SCN11A: variants seen among roughly 807,000 people sequenced by gnomAD.
SCN11A encodes the protein sodium voltage-gated channel alpha subunit 11.
SCN11A carries 122 observed loss-of-function variants against 162.2 expected under a neutral mutation model. That is an observed-to-expected ratio of 0.75 (90% confidence interval 0.65 to 0.87). The LOEUF is 0.87. Among genes scored for constraint, SCN11A ranks in the 40% least tolerant of loss-of-function variants. The pLI, the probability that SCN11A is intolerant of heterozygous loss-of-function variation, is 0.00. For synonymous variants in SCN11A, 758 were observed against 751.5 expected, an observed-to-expected ratio of 1.01 and a Z score of -0.14; for missense variants, 2,015 against 2,181.6, an observed-to-expected ratio of 0.92 and a Z score of 1.52.
chr3:38,846,594 G>A lies in SCN11A; in HGVS notation c.*100C>T. 1 of 840,076 alleles carries A rather than the reference G, an allele frequency of 1.2e-6. No homozygotes were observed. The highest frequency in any genetic ancestry group is 1.9e-6 in the Non-Finnish European group (1 of 518,472). The allele number at this position is 840,076 out of a possible 1,614,324, so 52.0% of individuals were successfully genotyped here. On this transcript the variant is annotated 3_prime_UTR_variant, in exon 30 of 30. Transcript: ENST00000302328. ...AAAAGAAAATGGAATGGCTAATTTG[G>A]TGAATCCACTCCCTGTTGATACACT...
intron 2 of SCN11A, among the ~76,000 whole-genome samples, chr3:39,015,161 T>C (rs1371831862): frequency 6.6e-6 from 1 of 152,248 alleles, no homozygotes; most frequent in Non-Finnish European, 1.5e-5. Flanking sequence ...TCCACCCTCA[T>C]GGGTGTGATT....
At chr3:39,044,125 G>A (rs1014410360) in intron 1 of SCN11A, among the ~76,000 whole-genome samples, 3 of 152,132 alleles carry the variant, frequency 2.0e-5, no homozygotes, top group African/African-American at 4.8e-5. Context: ...TAATAATAAA[G>A]GGATCAATTC....
intron 7 of SCN11A, among the ~76,000 whole-genome samples, chr3:38,940,285 A>T (rs1409050426): frequency 6.6e-6 from 1 of 152,190 alleles, no homozygotes; most frequent in Non-Finnish European, 1.5e-5. Context: ...TTCCAACCTC[A>T]TAAAGATGTC....
At chr3:39,013,847 T>A (rs2031213503) in intron 2 of SCN11A, among the ~76,000 whole-genome samples, 1 of 152,264 alleles carries the variant, frequency 6.6e-6, no homozygotes, top group Admixed American at 6.5e-5. Flanking sequence ...CATACCTGGT[T>A]GCCATTGAAT....
At chr3:38,973,736 C>T (rs1161516542) in intron 2 of SCN11A, among the ~76,000 whole-genome samples, 1 of 152,102 alleles carries the variant, frequency 6.6e-6, no homozygotes, top group Non-Finnish European at 1.5e-5. Flanking sequence ...GATCTGTGCC[C>T]CACCCTGAAG....
At chr3:38,943,223 A>G (rs2066466442) in intron 7 of SCN11A, among the ~76,000 whole-genome samples, 1 of 152,234 alleles carries the variant, frequency 6.6e-6, no homozygotes, top group South Asian at 2.1e-4. Context: ...AAAATATAGT[A>G]TCATACATAG....
intron 6 of SCN11A, among the ~76,000 whole-genome samples, chr3:38,945,889 CCTT>C (rs1253330948): frequency 6.6e-6 from 1 of 152,192 alleles, no homozygotes. Context: ...TTCCCTTTCT[CCTT>C]CTCCAGAAAG....
At chr3:38,854,446 A>T (rs1410070784) in intron 28 of SCN11A, among the ~76,000 whole-genome samples, 4 of 152,230 alleles carry the variant, frequency 2.6e-5, no homozygotes, top group Non-Finnish European at 4.4e-5. Context: ...ACTCATCAAA[A>T]TTGAAAAAAG....
At chr3:38,892,612 C>T (rs1453802353) in intron 19 of SCN11A, among the ~76,000 whole-genome samples, 1 of 152,060 alleles carries the variant, frequency 6.6e-6, no homozygotes, top group African/African-American at 2.4e-5. Context: ...CACTTATTTT[C>T]TTTTATTTTC....
chr3:38,879,889 A>C, intron 23 of SCN11A, 61 bp downstream of exon 23: 1 of 1,405,804 alleles, frequency 7.1e-7, no homozygotes. Flanking sequence ...AGCAGCCTCC[A>C]TATGATCCCT....
chr3:38,963,163 T>C (rs1290982336), intron 2 of SCN11A, among the ~76,000 whole-genome samples: 3 of 150,364 alleles, frequency 2.0e-5, no homozygotes, highest in African/African-American at 7.3e-5. Context: ...GAACTAAAAG[T>C]AGAACTACTA....
intron 2 of SCN11A, among the ~76,000 whole-genome samples, chr3:38,960,743 C>G (rs144826640): frequency 2.0e-5 from 3 of 152,184 alleles, no homozygotes; most frequent in African/African-American, 7.2e-5. Flanking sequence ...GTCTCACCCC[C>G]CACAGGACCC....
At position 38,867,677 on chromosome 3, in the gene SCN11A, C is replaced by A. The variant is rs35486656; in HGVS notation, c.3814-219G>T. 0.098 allele frequency among the ~76,000 whole-genome samples: 14,884 copies of A among 152,026 alleles called. 866 individuals are homozygous for A. Among genetic ancestry groups the A allele is most frequent in the Middle Eastern group, 0.16 (47 of 294 alleles). ...GCGGGGACCTGGGGTGATGGAAAATCGGGCTTTTTATTCTAAGCAAAGGAG... is the reference window on the plus strand; with the variant it reads ...GCGGGGACCTGGGGTGATGGAAAATAGGGCTTTTTATTCTAAGCAAAGGAG... On this transcript the variant is annotated intron_variant, in intron 26 of 29. Coordinates refer to ENST00000302328, the MANE Select transcript of SCN11A (RefSeq NM_001349253.2).
intron 19 of SCN11A, among the ~76,000 whole-genome samples, chr3:38,890,434 G>A (rs1306037578): frequency 1.3e-5 from 2 of 152,228 alleles, no homozygotes; most frequent in African/African-American, 4.8e-5. Flanking sequence ...AAGCAAATAA[G>A]AAGAGATTGG....
At chr3:38,980,534 T>G (rs1329256898) in intron 2 of SCN11A, among the ~76,000 whole-genome samples, 1 of 152,206 alleles carries the variant, frequency 6.6e-6, no homozygotes, top group Non-Finnish European at 1.5e-5. Flanking sequence ...TCTCTGAGTC[T>G]GTGATACAGA....
chr3:38,958,278 AG>A (rs71635881), intron 3 of SCN11A, among the ~76,000 whole-genome samples: 27,919 of 152,188 alleles, frequency 0.18, 2,663 homozygotes, highest in Middle Eastern at 0.25. Context: ...GAGTGAGGGC[AG>A]GGATTTCTCT....
At chr3:39,037,484 G>C (rs968705705) in intron 1 of SCN11A, among the ~76,000 whole-genome samples, 22 of 152,076 alleles carry the variant, frequency 1.4e-4, no homozygotes, top group African/African-American at 5.1e-4. Context: ...GAGTACAATT[G>C]GAATGTTTGT....
At chr3:38,857,643 G>A (rs1430020484) in intron 28 of SCN11A, among the ~76,000 whole-genome samples, 1 of 152,036 alleles carries the variant, frequency 6.6e-6, no homozygotes, top group Admixed American at 6.6e-5. Flanking sequence ...GAAGCTCGAA[G>A]AACTTCTGGG....
chr3:38,854,777 T>C (rs1169700476), intron 28 of SCN11A, among the ~76,000 whole-genome samples: 1 of 152,176 alleles, frequency 6.6e-6, no homozygotes, highest in Non-Finnish European at 1.5e-5. Flanking sequence ...AGAGCTGAAA[T>C]GACTTTAGGG....
Sources: allele counts gnomAD v4.1 joint callset (sites outside exome capture counted in the v4.1 genomes callset), GRCh38; gene constraint gnomAD v4.1.1; transcripts MANE v1.5; gene names NCBI Gene and HGNC (gene_info 2026-07-23, HGNC 2026-07-21).